The following HMCN1 variants were observed in gnomAD, a reference collection of about 807,000 sequenced individuals.
The protein encoded by HMCN1 is hemicentin-1.
HMCN1 carries 321 observed loss-of-function variants against 625.9 expected under a neutral mutation model. The ratio of observed to expected loss-of-function variants is 0.51; its 90% CI spans 0.47 to 0.56. The LOEUF (loss-of-function observed/expected upper bound fraction) is 0.56, where lower values mean the gene tolerates loss of function less well. HMCN1 is among the 20% of genes least tolerant of loss of function. The probability of loss-of-function intolerance (pLI) is 0.00; values close to 1 mark genes in which losing one functional copy is unlikely to be tolerated. For missense variants in HMCN1, 6,588 were observed against 6,887.3 expected (o/e 0.96, Z 1.54); for synonymous variants, 2,425 against 2,417.6 (o/e 1.00, Z -0.09).
At position 185,881,879 on chromosome 1, in the gene HMCN1, G is replaced by A. The variant is rs772467935; in HGVS notation, c.621+16016G>A. ...TTGTACTCACATCCAAACTTGTTCT[G>A]AATATTTTTGCAGCTTCAAAAGTAT... On this transcript the variant is annotated intron_variant, in intron 4 of 106. Coordinates refer to ENST00000271588, the MANE Select transcript of HMCN1 (RefSeq NM_031935.3). 8.8e-4 allele frequency among the ~76,000 whole-genome samples: 134 copies of A among 152,260 alleles called. 1 individual carries two copies. The highest frequency in any genetic ancestry group is 1.5e-3 in the Non-Finnish European group (101 of 68,014).
At chr1:185,833,180 G>A (rs1272817416) in intron 1 of HMCN1, among the ~76,000 whole-genome samples, 1 of 152,180 alleles carries the variant, frequency 6.6e-6, no homozygotes, top group Admixed American at 6.5e-5. Context: ...GCCAAGCACA[G>A]TGCTGTCAAA....
intron 4 of HMCN1, among the ~76,000 whole-genome samples, chr1:185,907,379 G>A (rs995059776): frequency 6.6e-6 from 1 of 151,772 alleles, no homozygotes; most frequent in African/African-American, 2.4e-5. Context: ...TCTGCTTGAA[G>A]CCCTTTAGTC....
chr1:185,827,854 G>A (rs1660621724), intron 1 of HMCN1, among the ~76,000 whole-genome samples: 2 of 151,978 alleles, frequency 1.3e-5, no homozygotes, highest in South Asian at 4.2e-4. Context: ...ACTCCCTTGG[G>A]TGGCCAAGAA....
In HMCN1 at chr1:186,117,053, A is replaced by G. The variant is rs779703547; in HGVS notation, c.11621A>G (p.Tyr3874Cys). 2 of 1,613,550 alleles carry G rather than the reference A, an allele frequency of 1.2e-6. No homozygotes were observed. Among genetic ancestry groups the G allele is most frequent in the Non-Finnish European group, 8.5e-7 (1 of 1,179,534 alleles). The change falls in exon 76 of 107, where the codon TAT becomes TGT. Residue 3874 changes from tyrosine to cysteine, a missense_variant. Physicochemically the swap from Tyr to Cys is radical, Grantham distance 194. Around this residue, in one of 3 missense-constraint regions of HMCN1, gnomAD observed 4,628 missense variants for 4,853.1 expected, o/e 0.95. Transcript: ENST00000271588. Reference protein sequence around the residue: ...ISPSVDDTATYECTVTNGAGD... With the variant: ...ISPSVDDTATCECTVTNGAGD... ...CCTTCTGTGGATGACACTGCAACCT[A>G]TGAATGTACTGTGACAAACGGTGCT...
chr1:186,163,751 C>T (rs916082578), intron 97 of HMCN1, among the ~76,000 whole-genome samples: 1 of 152,102 alleles, frequency 6.6e-6, no homozygotes, highest in Admixed American at 6.6e-5. Context: ...AGGCAAGGGA[C>T]AAATCATCAT....
rs777327933 is a variant in HMCN1, at chr1:186,081,241, C to T, written c.8634C>T (p.Leu2878=). The T allele has an allele frequency of 1.9e-5, 31 of 1,613,728 alleles. No individual in the cohort carries two copies. The highest frequency in any genetic ancestry group is 2.4e-5 in the Non-Finnish European group (28 of 1,179,844). ...PPIIKGANSD[L]PEEVTVLVNK... ...TTATCAAGGGAGCAAATAGTGATCT[C>T]CCTGAAGAGGTCACCGTGCTGGTGA... The change falls in exon 56 of 107, where the codon CTC becomes CTT. Residue 2878 remains leucine (L), a synonymous_variant. Coordinates refer to ENST00000271588, the MANE Select transcript of HMCN1 (RefSeq NM_031935.3).
chr1:186,069,526 TATATC>T (rs1247879270), intron 50 of HMCN1, 132 bp from the exon 51 acceptor site: 6 of 700,550 alleles, frequency 8.6e-6, no homozygotes, highest in Admixed American at 2.0e-5. Context: ...CAGTTTATCT[TATATC>T]ATATGTCCAT....
intron 89 of HMCN1, among the ~76,000 whole-genome samples, chr1:186,139,830 C>T (rs962241446): frequency 6.6e-6 from 1 of 152,022 alleles, no homozygotes; most frequent in African/African-American, 2.4e-5. Flanking sequence ...ACAAGTTTTC[C>T]TCCTCACCCC....
At chr1:185,889,198 G>A (rs1664880924) in intron 4 of HMCN1, among the ~76,000 whole-genome samples, 1 of 145,662 alleles carries the variant, frequency 6.9e-6, no homozygotes, top group Non-Finnish European at 1.5e-5. Flanking sequence ...ATCAGCTTAA[G>A]GAGATTTTGG....
At chr1:186,074,980 T>G (rs1399722797) in intron 53 of HMCN1, 89 bp downstream of exon 53, 3 of 1,108,586 alleles carry the variant, frequency 2.7e-6, no homozygotes. Flanking sequence ...AAACAGTGTT[T>G]TTTTCTGTTG....
At chr1:186,075,273 A>C (rs1444929251) in intron 53 of HMCN1, among the ~76,000 whole-genome samples, 1 of 152,118 alleles carries the variant, frequency 6.6e-6, no homozygotes, top group Non-Finnish European at 1.5e-5. Flanking sequence ...ACTACTGGGC[A>C]TATTATCTGG....
At chr1:185,954,490 G>A (rs1299351801) in intron 11 of HMCN1, among the ~76,000 whole-genome samples, 1 of 152,064 alleles carries the variant, frequency 6.6e-6, no homozygotes, top group Non-Finnish European at 1.5e-5. Flanking sequence ...CCACCACAGA[G>A]ATCAATAGGC....
chr1:186,081,277 A>C lies in HMCN1; in HGVS notation c.8670A>C (p.Ala2890=). The C allele has an allele frequency of 6.2e-7, 1 of 1,613,662 alleles. No homozygotes were observed. Among genetic ancestry groups the C allele is most frequent in the Middle Eastern group, 1.7e-4 (1 of 6,058 alleles). Residue 2890 remains alanine, a synonymous_variant, in exon 56 of 107, where the codon GCA becomes GCC. Coordinates refer to ENST00000271588, the MANE Select transcript of HMCN1 (RefSeq NM_031935.3). ...TCACCGTGCTGGTGAACAAGAGTGC[A>C]CTGATAGAGTGTTTATCCAGTGGCA... ...EEVTVLVNKS[A]LIECLSSGSP...
chr1:186,140,939 A>C (rs1292786148), intron 89 of HMCN1, among the ~76,000 whole-genome samples: 1 of 152,182 alleles, frequency 6.6e-6, no homozygotes, highest in African/African-American at 2.4e-5. Flanking sequence ...TGATTCAAGC[A>C]CATTACATTT....
chr1:186,114,406 C>T (rs200036814), intron 73 of HMCN1, among the ~76,000 whole-genome samples: 58 of 152,054 alleles, frequency 3.8e-4, no homozygotes, highest in African/African-American at 1.3e-3. Flanking sequence ...TAAAGACGCA[C>T]GCCAGCACGC....
intron 45 of HMCN1, among the ~76,000 whole-genome samples, chr1:186,056,355 T>C (rs1657319115): frequency 6.6e-6 from 1 of 152,010 alleles, no homozygotes; most frequent in Non-Finnish European, 1.5e-5. Context: ...TTAAGTTCTT[T>C]TTGTTGGATT....
chr1:185,951,211 ATAGCTG>A (rs1420434286), intron 11 of HMCN1, among the ~76,000 whole-genome samples: 1 of 150,840 alleles, frequency 6.6e-6, no homozygotes, highest in East Asian at 1.9e-4. Flanking sequence ...GCAATGAGAT[ATAGCTG>A]TAGTCCAGGA....
chr1:185,954,322 C>G (rs908432230), intron 11 of HMCN1, among the ~76,000 whole-genome samples: 1 of 151,978 alleles, frequency 6.6e-6, no homozygotes, highest in Admixed American at 6.6e-5. Context: ...TTAACTGTCT[C>G]CATATTAGAG....
chr1:186,023,154 G>T lies in HMCN1; in HGVS notation c.5749+1G>T. 1.9e-6 allele frequency: 3 copies of T among 1,612,482 alleles called. No individual in the cohort carries two copies. The highest frequency in any genetic ancestry group is 2.5e-6 in the Non-Finnish European group (3 of 1,178,928). On this transcript the variant is annotated splice_donor_variant, in intron 36 of 106. Coordinates refer to ENST00000271588, the MANE Select transcript of HMCN1 (RefSeq NM_031935.3). LOFTEE classifies it high-confidence loss of function. ...CAGCACATTCAACTGCATGTTCATGGTAATGTAATTTCTACACCTTAACAA... is the reference window on the plus strand; with the variant it reads ...CAGCACATTCAACTGCATGTTCATGTTAATGTAATTTCTACACCTTAACAA...
Sources: gnomAD v4.1 joint callset for allele counts (sites outside exome capture counted in the v4.1 genomes callset) on GRCh38, gnomAD v4.1.1 for gene constraint, gnomAD v4.1.1 regional missense constraint, MANE v1.5 for transcripts, NCBI Gene and HGNC (gene_info 2026-07-23, HGNC 2026-07-21) for gene names.